The following PIEZO1 variants were observed in gnomAD, a reference collection of about 807,000 sequenced individuals.
PIEZO1 encodes the protein piezo type mechanosensitive ion channel component 1 (Er blood group), also known as piezo-type mechanosensitive ion channel component 1.
In PIEZO1, 296 loss-of-function variants were observed where a neutral mutation model predicts 297.2. That is an observed-to-expected ratio of 1.00 (90% CI 0.91 to 1.10). PIEZO1 has a LOEUF of 1.10. Ranked by LOEUF, PIEZO1 falls within the 50% of genes least tolerant of loss-of-function variation. PIEZO1 has a pLI of 0.00. For synonymous variants in PIEZO1, 2,427 were observed against 1,507.5 expected, an observed-to-expected ratio of 1.61 and a Z score of -14.13; for missense variants, 5,018 against 3,455.5, an observed-to-expected ratio of 1.45 and a Z score of -11.34.
In PIEZO1 at chr16:88,722,358, G is replaced by A. The variant is rs755963743; in HGVS notation, c.4815C>T (p.Asp1605=). The A allele has an allele frequency of 4.9e-5, 75 of 1,529,996 alleles. No individual in the cohort carries two copies. The East Asian group carries it at 1.3e-3, about 27-fold the overall frequency. 94.8% of individuals were successfully genotyped at this position (1,529,996 alleles called of 1,614,324 possible). A position where few individuals can be genotyped will look rare whatever the true frequency, so the allele number is the denominator to read the frequency against. The change falls in exon 36 of 51, where the codon GAC becomes GAT. Residue 1605 remains aspartate (D), a synonymous_variant. Transcript: ENST00000301015. Reference sequence around the variant, plus strand: ...CGGTGCTCAGGGGGCTGCCCATGTCGTCTGTCATGCTGCTGAGTGGCTCCT... The same window carrying A: ...CGGTGCTCAGGGGGCTGCCCATGTCATCTGTCATGCTGCTGAGTGGCTCCT... The part of the protein sequence containing the change: ...GAEEPLSSMT[D]DMGSPLSTGY...
chr16:88,769,878 G>C (rs1428932326), intron 1 of PIEZO1, among the ~76,000 whole-genome samples: 5 of 152,226 alleles, frequency 3.3e-5, no homozygotes, highest in African/African-American at 1.2e-4. Context: ...AGGGAACAGA[G>C]AGGCCGGCAT....
chr16:88,732,236 C>T, intron 21 of PIEZO1, 99 bp downstream of exon 21: 2 of 1,098,022 alleles, frequency 1.8e-6, no homozygotes, highest in South Asian at 1.5e-5. Context: ...CCCAGGCAAA[C>T]CCAGGTGGGG....
In PIEZO1 at chr16:88,726,597, C is replaced by G. The variant is rs1234169963; in HGVS notation, c.3746G>C (p.Trp1249Ser). 1 of 1,549,908 alleles carries G rather than the reference C, an allele frequency of 6.5e-7. No individual in the cohort carries two copies. The highest frequency in any genetic ancestry group is 8.7e-7 in the Non-Finnish European group (1 of 1,146,818). ...TACAAGGCTGAAGAGCTGGATGACC[C>G]AGCAGAAGCCGGTCTGCATCTGCTC... is the stretch of plus-strand genomic sequence containing the variant. The part of the protein sequence containing the change: ...FVEQMQTGFC[W>S]VIQLFSLVCT... The change falls in exon 26 of 51, where the codon TGG becomes TCG. Residue 1249 changes from tryptophan (W) to serine (S), a missense_variant. Trp to Ser is a radical substitution (Grantham distance 177, BLOSUM62 -3). Coordinates refer to ENST00000301015, the MANE Select transcript of PIEZO1 (RefSeq NM_001142864.4).
At chr16:88,753,536 G>C (rs1401197298) in intron 1 of PIEZO1, among the ~76,000 whole-genome samples, 1 of 152,064 alleles carries the variant, frequency 6.6e-6, no homozygotes, top group African/African-American at 2.4e-5. Context: ...GGAGTAGCCG[G>C]CTAGCAGGGC....
At chr16:88,738,919 T>C in intron 5 of PIEZO1, 183 bp from the exon 6 acceptor site, 2 of 604,666 alleles carry the variant, frequency 3.3e-6, no homozygotes, top group Non-Finnish European at 5.8e-6. Flanking sequence ...GACACCTTCC[T>C]ACTTCCTCAC....
chr16:88,736,549 T>G (rs1403257121), intron 11 of PIEZO1, 90 bp downstream of exon 11: 1 of 800,800 alleles, frequency 1.2e-6, no homozygotes, highest in African/African-American at 1.8e-5. Flanking sequence ...CAGAGGGGGC[T>G]GCACAGCTGC....
intron 1 of PIEZO1, among the ~76,000 whole-genome samples, chr16:88,779,618 C>A (rs961110480): frequency 6.6e-6 from 1 of 152,204 alleles, no homozygotes; most frequent in Non-Finnish European, 1.5e-5. Flanking sequence ...ATGAATGAAT[C>A]TGAGTGGTCG....
chr16:88,730,256 G>C (rs1306902045), intron 22 of PIEZO1, among the ~76,000 whole-genome samples: 1 of 152,212 alleles, frequency 6.6e-6, no homozygotes, highest in Non-Finnish European at 1.5e-5. Flanking sequence ...CACAAGGCTG[G>C]GCCTGGGTAG....
intron 1 of PIEZO1, among the ~76,000 whole-genome samples, chr16:88,780,781 T>G (rs568850804): frequency 2.9e-4 from 44 of 152,224 alleles, no homozygotes; most frequent in African/African-American, 1.0e-3. Flanking sequence ...GCCAAAGTGG[T>G]GAAACCCCGT....
At chr16:88,742,821 T>C in intron 2 of PIEZO1, 1 of 341,898 alleles carries the variant, frequency 2.9e-6, no homozygotes, top group South Asian at 2.2e-5. Flanking sequence ...GGGCTGCAGG[T>C]GGATGGAGAC....
In PIEZO1 at chr16:88,716,075, C is replaced by T. The variant is rs528448732; in HGVS notation, c.7174G>A (p.Glu2392Lys). ...YLGVRIQLRR[E>K]QGAGATGFLE... ...AAGCCGGTGGCCCCCGCACCCTGCT[C>T]CCTCCGCAGCTGGATACGCACGCCG... The change falls in exon 50 of 51, where the codon GAG becomes AAG. Residue 2392 changes from glutamate (E) to lysine (K), a missense_variant. Physicochemically the swap from Glu to Lys is moderately conservative, Grantham distance 56. Coordinates refer to ENST00000301015, the MANE Select transcript of PIEZO1 (RefSeq NM_001142864.4). 1,436 of 1,549,812 alleles carry T rather than the reference C, an allele frequency of 9.3e-4. 1 individual carries two copies. The highest frequency in any genetic ancestry group is 1.2e-3 in the Non-Finnish European group (1,361 of 1,146,642).
At chr16:88,736,995 T>G in intron 10 of PIEZO1, 1 of 385,288 alleles carries the variant, frequency 2.6e-6, no homozygotes, top group Non-Finnish European at 4.7e-6. Flanking sequence ...TGACCCCCTT[T>G]CCAGCTCTGC....
chr16:88,745,684 G>A (rs1906004246), intron 2 of PIEZO1: 1 of 147,944 alleles, frequency 6.8e-6, no homozygotes, highest in Admixed American at 6.9e-5. Context: ...AGGAGGCGGA[G>A]GTTGCAGTGA....
chr16:88,778,758 C>T (rs1326033764), intron 1 of PIEZO1, among the ~76,000 whole-genome samples: 2 of 152,152 alleles, frequency 1.3e-5, no homozygotes, highest in Non-Finnish European at 2.9e-5. Context: ...ATACGGCCTG[C>T]GGTGGGTGTG....
intron 1 of PIEZO1, among the ~76,000 whole-genome samples, chr16:88,771,003 G>GC (rs1345196059): frequency 6.6e-6 from 1 of 152,216 alleles, no homozygotes; most frequent in Non-Finnish European, 1.5e-5. Flanking sequence ...TGCAGGCGGG[G>GC]CCTGGGCGGA....
At chr16:88,719,447 GT>G in intron 44 of PIEZO1, 126 bp downstream of exon 44, 1 of 848,714 alleles carries the variant, frequency 1.2e-6, no homozygotes, top group Non-Finnish European at 1.8e-6. Context: ...CTCGCCTCAT[GT>G]CCCCATGGGC....
rs2340984 is a variant in PIEZO1 at position 88,732,880 on chromosome 16, G to A, written c.2665-148C>T. 157,177 of 759,486 alleles carry A rather than the reference G, an allele frequency of 0.21. 19,536 individuals are homozygous for A. Among genetic ancestry groups the A allele is most frequent in the East Asian group, 0.56 (20,627 of 36,684 alleles). The allele number at this position is 759,486 out of a possible 1,614,324, so 47.0% of individuals were successfully genotyped here. ...CTGCCAGCCTTGGAGCCACCTTCAC[G>A]GGGAAGGGGACCAGGTGTTTGAGAA... On this transcript the variant is annotated intron_variant, in intron 19 of 50. Transcript: ENST00000301015.
At position 88,734,466 on chromosome 16, in the gene PIEZO1, G is replaced by A; in HGVS notation, c.2070C>T (p.Phe690=). The change falls in exon 16 of 51, where the codon TTC becomes TTT. Residue 690 remains phenylalanine, a synonymous_variant. Coordinates refer to ENST00000301015, the MANE Select transcript of PIEZO1 (RefSeq NM_001142864.4). ...LFSSILVPGF[F]LLACILQLHY... ...GCAGCTGCAGGATGCAGGCCAGGAG[G>A]AAGAAGCCGGGCACCAGGATGCTGG... 3.2e-6 allele frequency: 5 copies of A among 1,549,900 alleles called. No individual in the cohort carries two copies. Among genetic ancestry groups the A allele is most frequent in the Non-Finnish European group, 4.4e-6 (5 of 1,146,686 alleles).
chr16:88,737,495 G>C (rs1019813981), intron 10 of PIEZO1, 64 bp downstream of exon 10: 9 of 1,193,694 alleles, frequency 7.5e-6, no homozygotes, highest in African/African-American at 4.6e-5. Flanking sequence ...GGCCACCAGG[G>C]GGCAGCACCG....
Sources: allele counts gnomAD v4.1 joint callset (sites outside exome capture counted in the v4.1 genomes callset), GRCh38; gene constraint gnomAD v4.1.1; transcripts MANE v1.5; gene names NCBI Gene and HGNC (gene_info 2026-07-23, HGNC 2026-07-21).